Variants in CHST8 observed in about 807,000 individuals in gnomAD.
CHST8 encodes the protein GALNAC-4-ST1.
CHST8 carries 10 observed loss-of-function variants against 15.0 expected under a neutral mutation model. The observed-to-expected ratio is 0.67, with a 90% CI of 0.41 to 1.13. The LOEUF (loss-of-function observed/expected upper bound fraction) is 1.13. Ranked by LOEUF, CHST8 falls within the 50% of genes most tolerant of loss-of-function variation. The probability of loss-of-function intolerance (pLI) is 0.00; values close to 1 mark genes in which losing one functional copy is unlikely to be tolerated. For missense variants in CHST8, 634 were observed against 608.2 expected (o/e 1.04, Z -0.45); for synonymous variants, 259 against 256.6 (o/e 1.01, Z -0.09).
At chr19:33,760,158 C>T (rs748354885) in intron 3 of CHST8, among the ~76,000 whole-genome samples, 14 of 152,048 alleles carry the variant, frequency 9.2e-5, no homozygotes, top group African/African-American at 3.4e-4. Context: ...TTCAAAATAA[C>T]TCCACACCCT....
rs368191724 is a variant in CHST8 at position 33,772,814 on chromosome 19, C to T, written c.1026C>T (p.Tyr342=). The change falls in exon 5 of 5, where the codon TAC becomes TAT. Residue 342 remains tyrosine, a synonymous_variant. Coordinates refer to ENST00000650847, the MANE Select transcript of CHST8 (RefSeq NM_001127895.2). ...SRLCSPCLID[Y]DFVGKFESME... ...TCTGCAGCCCCTGCCTCATCGACTA[C>T]GATTTCGTAGGCAAGTTCGAGAGCA... 1.5e-5 allele frequency: 24 copies of T among 1,613,542 alleles called. No homozygotes were observed. The East Asian group carries it at 3.1e-4, about 21-fold the overall frequency.
chr19:33,698,713 T>A (rs1973271723), intron 3 of CHST8, among the ~76,000 whole-genome samples: 1 of 152,030 alleles, frequency 6.6e-6, no homozygotes, highest in African/African-American at 2.4e-5. Flanking sequence ...AGGTTCCATT[T>A]GGGGCTTATG....
At chr19:33,665,472 G>A (rs891582070) in intron 1 of CHST8, among the ~76,000 whole-genome samples, 1 of 152,168 alleles carries the variant, frequency 6.6e-6, no homozygotes, top group Non-Finnish European at 1.5e-5. Context: ...CCAGGAACAG[G>A]TGGCTGGAGG....
rs1568359122 is a variant in CHST8, at chr19:33,757,592, GAAA to G, written c.131-13820_131-13818del. Among the ~76,000 whole-genome samples, 42 of 142,744 alleles carry G rather than the reference GAAA, an allele frequency of 2.9e-4. 3 individuals carry two copies. Among genetic ancestry groups the G allele is most frequent in the African/African-American group, 9.9e-4 (38 of 38,314 alleles). 93.6% of individuals were successfully genotyped at this position (142,744 alleles called of 152,430 possible). On this transcript the variant is annotated intron_variant, in intron 3 of 4. Coordinates refer to ENST00000650847, the MANE Select transcript of CHST8 (RefSeq NM_001127895.2). ...AGAAAGAAAGAAAGAAAGAAAGAAA[GAAA>G]GAAAGAAAGAGCCGGCCATTCAGAA...
rs115169032 is a variant in CHST8 at position 33,666,019 on chromosome 19, T to A, written c.-163-1748T>A. On this transcript the variant is annotated intron_variant, in intron 1 of 4. Coordinates refer to ENST00000650847, the MANE Select transcript of CHST8 (RefSeq NM_001127895.2). ...CGGGACGGGGTGTCGGAAACGGCTGTGCCCCACACAGCTTTCTCGTGGATC... is the reference window on the plus strand; with the variant it reads ...CGGGACGGGGTGTCGGAAACGGCTGAGCCCCACACAGCTTTCTCGTGGATC... 5.7e-3 allele frequency among the ~76,000 whole-genome samples: 864 copies of A among 152,336 alleles called. 8 individuals carry two copies. Among genetic ancestry groups the A allele is most frequent in the African/African-American group, 0.019 (808 of 41,580 alleles).
chr19:33,743,902 C>T (rs34089379), intron 3 of CHST8, among the ~76,000 whole-genome samples: 605 of 152,058 alleles, frequency 4.0e-3, no homozygotes, highest in Non-Finnish European at 5.9e-3. Flanking sequence ...AGTGACTCTC[C>T]TGCCTCAGCC....
At position 33,749,579 on chromosome 19, in the gene CHST8, C is replaced by T. The variant is rs550399582; in HGVS notation, c.131-21834C>T. Among the ~76,000 whole-genome samples, 17 of 152,116 alleles carry T rather than the reference C, an allele frequency of 1.1e-4. No individual in the cohort carries two copies. The East Asian group carries it at 2.7e-3, about 24-fold the overall frequency. On this transcript the variant is annotated intron_variant, in intron 3 of 4. Coordinates refer to ENST00000650847, the MANE Select transcript of CHST8 (RefSeq NM_001127895.2). ...TGAACCCCATCACAGATGAAGACAGCGGTGATGAGGCACAGGGCAGGGTCA... is the reference window on the plus strand; with the variant it reads ...TGAACCCCATCACAGATGAAGACAGTGGTGATGAGGCACAGGGCAGGGTCA...
chr19:33,714,192 C>T (rs1038764446), intron 3 of CHST8, among the ~76,000 whole-genome samples: 1 of 152,166 alleles, frequency 6.6e-6, no homozygotes, highest in South Asian at 2.1e-4. Context: ...AAAAAAGACA[C>T]CTGCCTTATA....
intron 3 of CHST8, among the ~76,000 whole-genome samples, chr19:33,699,612 A>G (rs746120615): frequency 5.3e-5 from 8 of 152,066 alleles, no homozygotes; most frequent in Non-Finnish European, 1.5e-5. Context: ...GTCATGCCTA[A>G]TATCTCACAG....
At chr19:33,741,936 A>G (rs1974201397) in intron 3 of CHST8, among the ~76,000 whole-genome samples, 1 of 152,022 alleles carries the variant, frequency 6.6e-6, no homozygotes, top group Non-Finnish European at 1.5e-5. Flanking sequence ...GCCAGATGGG[A>G]GTCTGTGAAC....
At chr19:33,712,549 A>T (rs577388026) in intron 3 of CHST8, among the ~76,000 whole-genome samples, 1 of 152,254 alleles carries the variant, frequency 6.6e-6, no homozygotes, top group African/African-American at 2.4e-5. Flanking sequence ...TAAGTAGGTC[A>T]TTTGGCTGGG....
chr19:33,743,296 C>CTTTTTTTT (rs916165328), intron 3 of CHST8, among the ~76,000 whole-genome samples: 6 of 98,258 alleles, frequency 6.1e-5, no homozygotes, highest in Non-Finnish European at 1.0e-4. Context: ...CACAGCAATT[C>CTTTTTTTT]TTTTTTTTTT....
At chr19:33,645,311 G>C (rs8111606) in intron 1 of CHST8, among the ~76,000 whole-genome samples, 7 of 152,318 alleles carry the variant, frequency 4.6e-5, no homozygotes, top group Admixed American at 1.3e-4. Context: ...CTCTGTGTGC[G>C]TGGGGAGCAA....
chr19:33,726,185 A>G (rs1467322132), intron 3 of CHST8, among the ~76,000 whole-genome samples: 1 of 152,080 alleles, frequency 6.6e-6, no homozygotes, highest in African/African-American at 2.4e-5. Flanking sequence ...GTGGTGGTAG[A>G]TGGGGCAGGG....
intron 2 of CHST8, among the ~76,000 whole-genome samples, chr19:33,676,923 G>T (rs1972817689): frequency 6.6e-6 from 1 of 151,806 alleles, no homozygotes; most frequent in Non-Finnish European, 1.5e-5. Flanking sequence ...CAAATAGGAA[G>T]ATCTGAAGGT....
intron 3 of CHST8, among the ~76,000 whole-genome samples, chr19:33,751,752 C>T (rs1974425785): frequency 6.6e-6 from 1 of 152,238 alleles, no homozygotes; most frequent in African/African-American, 2.4e-5. Flanking sequence ...CACTTAACCT[C>T]TTTGAGACTC....
At chr19:33,733,002 A>T (rs1382513328) in intron 3 of CHST8, among the ~76,000 whole-genome samples, 1 of 152,126 alleles carries the variant, frequency 6.6e-6, no homozygotes, top group African/African-American at 2.4e-5. Context: ...ATTATGAGTA[A>T]TCAATGATTG....
intron 1 of CHST8, among the ~76,000 whole-genome samples, chr19:33,648,647 G>A (rs566062555): frequency 6.6e-5 from 10 of 152,258 alleles, no homozygotes; most frequent in African/African-American, 2.4e-4. Context: ...AAACGGTCTA[G>A]CAATTCCTCA....
chr19:33,730,691 A>G (rs936425251), intron 3 of CHST8, among the ~76,000 whole-genome samples: 6 of 152,244 alleles, frequency 3.9e-5, no homozygotes, highest in African/African-American at 7.2e-5. Flanking sequence ...AGATAGATGT[A>G]TGTATGAGGG....
Sources: allele counts gnomAD v4.1 joint callset (sites outside exome capture counted in the v4.1 genomes callset), GRCh38; gene constraint gnomAD v4.1.1; transcripts MANE v1.5; gene names NCBI Gene and HGNC (gene_info 2026-07-23, HGNC 2026-07-21).